TEKT4: variants seen among roughly 807,000 people sequenced by gnomAD.
TEKT4 encodes tektin 4.
Under a neutral mutation model 46.0 loss-of-function variants are expected in TEKT4, and 46 were observed. That is an observed-to-expected ratio of 1.00 (90% CI 0.79 to 1.28). The LOEUF (loss-of-function observed/expected upper bound fraction) is 1.28. Among genes scored for constraint, TEKT4 ranks in the 50% most tolerant of loss-of-function variants. The probability of loss-of-function intolerance (pLI) is 0.00; values close to 1 mark genes in which losing one functional copy is unlikely to be tolerated. For synonymous variants in TEKT4, 325 were observed against 265.8 expected (o/e 1.22, Z -2.17); for missense variants, 790 against 622.9 (o/e 1.27, Z -2.85).
chr2:94,874,566 G>A (rs1160870581), intron 3 of TEKT4, among the ~76,000 whole-genome samples: 1 of 151,456 alleles, frequency 6.6e-6, no homozygotes, highest in Non-Finnish European at 1.5e-5. Flanking sequence ...GGTGGGTAGG[G>A]TGTGGGGGGA....
intron 4 of TEKT4, 125 bp downstream of exon 4, chr2:94,875,123 T>C: frequency 1.9e-6 from 2 of 1,044,726 alleles, no homozygotes; most frequent in Non-Finnish European, 2.7e-6. Flanking sequence ...TCCGTAAACC[T>C]ATGTAAAACC....
intron 4 of TEKT4, 82 bp from the exon 5 acceptor site, chr2:94,875,506 C>G: frequency 6.3e-7 from 1 of 1,583,080 alleles, no homozygotes; most frequent in Non-Finnish European, 8.6e-7. Context: ...GCCCCAAGAC[C>G]TGGGTAGGAC....
Position 94,871,869 on chromosome 2 carries a change from A to T in TEKT4, c.290A>T (p.Asp97Val), listed in dbSNP as rs782129164. The T allele has an allele frequency of 1.2e-6, 2 of 1,601,212 alleles. No homozygotes were observed. Among genetic ancestry groups the T allele is most frequent in the Admixed American group, 3.4e-5 (2 of 59,006 alleles). ...STRTVGERLQ[D>V]THSWKSELQR... ...CGCACAGTGGGCGAGCGACTGCAGGACACGCACAGCTGGAAGTCGGAGCTG... is the reference window on the plus strand; with the variant it reads ...CGCACAGTGGGCGAGCGACTGCAGGTCACGCACAGCTGGAAGTCGGAGCTG... The change falls in exon 1 of 6, where the codon GAC (aspartate) becomes GTC (valine). Residue 97 changes from aspartate to valine, a missense_variant. Transcript: ENST00000295201.
chr2:94,873,688 C>A, intron 2 of TEKT4, 98 bp downstream of exon 2: 1 of 1,504,714 alleles, frequency 6.6e-7, no homozygotes, highest in South Asian at 1.2e-5. Flanking sequence ...TCAGAGCCAG[C>A]AGGGGCTGCC....
intron 3 of TEKT4, among the ~76,000 whole-genome samples, chr2:94,874,322 G>C (rs1680724381): frequency 1.3e-5 from 2 of 152,240 alleles, no homozygotes; most frequent in African/African-American, 4.8e-5. Flanking sequence ...ACAGGACAGA[G>C]TAGGGTGGGG....
intron 3 of TEKT4, among the ~76,000 whole-genome samples, 200 bp downstream of exon 3, chr2:94,874,308 G>A (rs1680723555): frequency 2.0e-5 from 3 of 152,192 alleles, no homozygotes; most frequent in South Asian, 4.1e-4. Flanking sequence ...CTGGCTGCCG[G>A]CAGACAGGAC....
chr2:94,875,050 C>T (rs1680778902), intron 4 of TEKT4, 52 bp downstream of exon 4: 2 of 1,501,454 alleles, frequency 1.3e-6, no homozygotes, highest in Admixed American at 2.0e-5. Flanking sequence ...CTGGCCTGGG[C>T]CCTCAACACC....
chr2:94,874,964 A>ACG lies in TEKT4; in HGVS notation c.907_908dup (p.Tyr304GlyfsTer25). On this transcript the variant is annotated frameshift_variant, in exon 4 of 6. Transcript: ENST00000295201. LOFTEE classifies it high-confidence loss of function. Reference sequence around the variant, plus strand: ...GGGCGCCGCTGTGAGGAGCTGGAGGACGCGCGGTACAAGCTGCATCACCAC... The same window carrying ACG: ...GGGCGCCGCTGTGAGGAGCTGGAGGACGCGCGCGGTACAAGCTGCATCACCAC... 1 of 1,609,964 alleles carries ACG rather than the reference A, an allele frequency of 6.2e-7. No individual in the cohort carries two copies. The highest frequency in any genetic ancestry group is 8.5e-7 in the Non-Finnish European group (1 of 1,179,134).
At chr2:94,876,522 G>C in intron 5 of TEKT4, 31 bp from the exon 6 acceptor site, 1 of 1,573,522 alleles carries the variant, frequency 6.4e-7, no homozygotes, top group African/African-American at 1.3e-5. Context: ...GCCCTCCCTA[G>C]CCCCGGCTCA....
chr2:94,874,210 C>T, intron 3 of TEKT4, 102 bp downstream of exon 3: 3 of 1,368,228 alleles, frequency 2.2e-6, no homozygotes, highest in Non-Finnish European at 2.0e-6. Flanking sequence ...GCCCGGAGGC[C>T]CTCGCCCCCG....
intron 3 of TEKT4, among the ~76,000 whole-genome samples, chr2:94,874,494 G>A (rs1254284570): frequency 4.0e-5 from 6 of 151,652 alleles, no homozygotes; most frequent in Non-Finnish European, 8.8e-5. Flanking sequence ...CTGCAGAGGG[G>A]GCCTCCGGGG....
At position 94,876,705 on chromosome 2, in the gene TEKT4, G is replaced by A. The variant is rs782804302; in HGVS notation, c.1244G>A (p.Arg415His). 38 of 1,612,334 alleles carry A rather than the reference G, an allele frequency of 2.4e-5. No homozygotes were observed. The highest frequency in any genetic ancestry group is 3.1e-5 in the Non-Finnish European group (36 of 1,180,022). Residue 415 changes from arginine (R) to histidine (H), a missense_variant, in exon 6 of 6, where the codon CGC becomes CAC. Coordinates refer to ENST00000295201, the MANE Select transcript of TEKT4 (RefSeq NM_144705.4). Reference protein sequence around the residue: ...AAMTNSLFIDRQKCMAHRTRY... With the variant: ...AAMTNSLFIDHQKCMAHRTRY... ...ATGACCAACAGTCTCTTCATCGACC[G>A]CCAGAAGTGCATGGCCCATCGTACT...
chr2:94,871,868 G>A lies in TEKT4; in HGVS notation c.289G>A (p.Asp97Asn), dbSNP rs781944431. ...STRTVGERLQ[D>N]THSWKSELQR... ...GCGCACAGTGGGCGAGCGACTGCAG[G>A]ACACGCACAGCTGGAAGTCGGAGCT... The change falls in exon 1 of 6, where the codon GAC becomes AAC. Residue 97 changes from aspartate (D) to asparagine (N), a missense_variant. Asp to Asn is a conservative substitution (Grantham distance 23). Coordinates refer to ENST00000295201, the MANE Select transcript of TEKT4 (RefSeq NM_144705.4). 2.5e-6 allele frequency: 4 copies of A among 1,600,936 alleles called. No homozygotes were observed. In the East Asian group the frequency reaches 6.7e-5, roughly 27 times the overall value.
At chr2:94,875,988 C>T (rs1276092400) in intron 5 of TEKT4, among the ~76,000 whole-genome samples, 1 of 152,188 alleles carries the variant, frequency 6.6e-6, no homozygotes, top group African/African-American at 2.4e-5. Flanking sequence ...GGTCTCACCC[C>T]ACCCTATGCT....
At chr2:94,873,007 C>A in intron 1 of TEKT4, 1 of 1,289,366 alleles carries the variant, frequency 7.8e-7, no homozygotes. Context: ...GGCAAAGACC[C>A]CAATCACAGA....
chr2:94,871,715 C>T lies in TEKT4; in HGVS notation c.136C>T (p.Gln46Ter), dbSNP rs782425485. 67 of 1,612,506 alleles carry T rather than the reference C, an allele frequency of 4.2e-5. No individual in the cohort carries two copies. The highest frequency in any genetic ancestry group is 1.7e-4 in the Middle Eastern group (1 of 5,974). The change falls in exon 1 of 6, where the codon CAG becomes TAG. Residue 46 changes from glutamine (Q) to a stop codon, truncating the protein, a stop_gained. Coordinates refer to ENST00000295201, the MANE Select transcript of TEKT4 (RefSeq NM_144705.4). LOFTEE classifies it high-confidence loss of function. ...CAAGTACCTGCTGGAGGAGTGGTTCCAGAACTGCTATGCTCGCTACCACCA... is the reference window on the plus strand; with the variant it reads ...CAAGTACCTGCTGGAGGAGTGGTTCTAGAACTGCTATGCTCGCTACCACCA... ...TSKYLLEEWF[Q>*]NCYARYHQAF...
At chr2:94,875,422 G>A (rs1573189294) in intron 4 of TEKT4, 166 bp from the exon 5 acceptor site, 1 of 494,040 alleles carries the variant, frequency 2.0e-6, no homozygotes, top group East Asian at 1.5e-4. Context: ...AGAGCCCACT[G>A]GGGGCCCCGT....
chr2:94,873,403 G>A lies in TEKT4; in HGVS notation c.499-117G>A, dbSNP rs558216897. Reference sequence around the variant, plus strand: ...GCAGAACTTACACAGTCAGAGCTCAGGCCCGGCATTCAACTCCTTGTGGTT... The same window carrying A: ...GCAGAACTTACACAGTCAGAGCTCAAGCCCGGCATTCAACTCCTTGTGGTT... On this transcript the variant is annotated intron_variant, in intron 1 of 5. Coordinates refer to ENST00000295201, the MANE Select transcript of TEKT4 (RefSeq NM_144705.4). 366 of 1,565,308 alleles carry A rather than the reference G, an allele frequency of 2.3e-4. 6 individuals carry two copies. The Middle Eastern group carries it at 3.8e-3, about 16-fold the overall frequency.
chr2:94,872,759 CCCTT>C (rs1553395025), intron 1 of TEKT4: 1 of 1,243,670 alleles, frequency 8.0e-7, no homozygotes, highest in Admixed American at 2.3e-5. Context: ...CAGGCAAGAA[CCCTT>C]GAGTCCCTCC....
Sources: gnomAD v4.1 joint callset for allele counts (sites outside exome capture counted in the v4.1 genomes callset) on GRCh38, gnomAD v4.1.1 for gene constraint, MANE v1.5 for transcripts, NCBI Gene and HGNC (gene_info 2026-07-23, HGNC 2026-07-21) for gene names.